The following PLXNA4 variants were observed in gnomAD, a reference collection of about 807,000 sequenced individuals.
The protein encoded by PLXNA4 is plexin-A4.
PLXNA4 carries 44 observed loss-of-function variants against 191.8 expected under a neutral mutation model. That is an observed-to-expected ratio of 0.23 (90% confidence interval 0.18 to 0.29). PLXNA4 has a LOEUF of 0.29. Ranked by LOEUF, PLXNA4 falls within the 10% of genes least tolerant of loss-of-function variation. The pLI, the probability that PLXNA4 is intolerant of heterozygous loss-of-function variation, is 1.00. For missense variants in PLXNA4, 1,800 were observed against 2,488.8 expected, an observed-to-expected ratio of 0.72 and a Z score of 5.89; for synonymous variants, 1,082 against 1,009.5, an observed-to-expected ratio of 1.07 and a Z score of -1.36.
intron 21 of PLXNA4, among the ~76,000 whole-genome samples, chr7:132,174,217 G>C (rs757301311): frequency 1.3e-5 from 2 of 152,130 alleles, no homozygotes; most frequent in Non-Finnish European, 2.9e-5. Flanking sequence ...AATATGAATA[G>C]ACACCTAAGC....
In PLXNA4 at chr7:132,461,423, C is replaced by T. The variant is rs75044589; in HGVS notation, c.1371+27869G>A. Among the ~76,000 whole-genome samples, 14 of 152,212 alleles carry T rather than the reference C, an allele frequency of 9.2e-5. No individual in the cohort carries two copies. The East Asian group carries it at 2.7e-3, about 29-fold the overall frequency. On this transcript the variant is annotated intron_variant, in intron 3 of 31. Coordinates refer to ENST00000321063, the MANE Select transcript of PLXNA4 (RefSeq NM_020911.2). ...GAGGAAAACAAAATAAGATCTGGAC[C>T]ACAAAACCAGACACCCCAGTATGTA...
At chr7:132,210,520 TAGGTGTGA>T (rs1797762597) in intron 10 of PLXNA4, among the ~76,000 whole-genome samples, 1 of 152,156 alleles carries the variant, frequency 6.6e-6, no homozygotes, top group Admixed American at 6.5e-5. Context: ...AGCCTCTATG[TAGGTGTGA>T]AGGTGGTGGG....
At chr7:132,517,255 A>C (rs969473718) in intron 1 of PLXNA4, among the ~76,000 whole-genome samples, 1 of 152,212 alleles carries the variant, frequency 6.6e-6, no homozygotes, top group African/African-American at 2.4e-5. Flanking sequence ...CAGCCTCTCC[A>C]TTTCCACATG....
chr7:132,599,143 C>T (rs1182090183), intron 2 of PLXNA4, among the ~76,000 whole-genome samples: 1 of 152,154 alleles, frequency 6.6e-6, no homozygotes, highest in African/African-American at 2.4e-5. Context: ...TTTGCTACCA[C>T]GTGTTTCTAA....
At chr7:132,511,460 C>A (rs969460905) in intron 1 of PLXNA4, among the ~76,000 whole-genome samples, 10 of 152,168 alleles carry the variant, frequency 6.6e-5, no homozygotes, top group Admixed American at 3.9e-4. Flanking sequence ...CTCATGTAAG[C>A]CCCAAACAGA....
intron 3 of PLXNA4, among the ~76,000 whole-genome samples, chr7:132,441,241 A>C (rs1388944366): frequency 6.6e-6 from 1 of 152,216 alleles, no homozygotes; most frequent in Non-Finnish European, 1.5e-5. Flanking sequence ...GCATTGCAAC[A>C]AAAGGTAAAT....
At chr7:132,565,944 A>G (rs546340234) in intron 1 of PLXNA4, among the ~76,000 whole-genome samples, 1 of 152,294 alleles carries the variant, frequency 6.6e-6, no homozygotes, top group South Asian at 2.1e-4. Context: ...TCATCATAGC[A>G]AGATATTTTT....
chr7:132,334,361 G>A (rs561102455), intron 3 of PLXNA4, among the ~76,000 whole-genome samples: 2 of 143,992 alleles, frequency 1.4e-5, no homozygotes, highest in East Asian at 2.2e-4. Flanking sequence ...AGGCTCAGAT[G>A]ATCCTCCTGC....
At chr7:132,490,414 C>G (rs540445257) in intron 2 of PLXNA4, among the ~76,000 whole-genome samples, 10 of 132,562 alleles carry the variant, frequency 7.5e-5, no homozygotes, top group Admixed American at 7.4e-4. Context: ...TTCACTGAAC[C>G]TTTTCTTCCT....
intron 3 of PLXNA4, among the ~76,000 whole-genome samples, chr7:132,445,196 T>C (rs1302647095): frequency 1.4e-5 from 2 of 146,168 alleles, no homozygotes; most frequent in African/African-American, 5.0e-5. Flanking sequence ...TTTGTTCTCA[T>C]GAACTTCCTG....
chr7:132,384,720 A>T, intron 3 of PLXNA4: 1 of 1,037,388 alleles, frequency 9.6e-7, no homozygotes, highest in Non-Finnish European at 1.2e-6. Flanking sequence ...GTGTATGCAC[A>T]CACACCTTTA....
intron 2 of PLXNA4, among the ~76,000 whole-genome samples, chr7:132,592,781 A>C (rs1223392849): frequency 2.0e-5 from 3 of 152,092 alleles, no homozygotes; most frequent in East Asian, 3.9e-4. Context: ...GGGCTGCCAC[A>C]GAAAGATAAA....
chr7:132,151,117 A>T (rs1286464973), intron 25 of PLXNA4, among the ~76,000 whole-genome samples: 1 of 152,186 alleles, frequency 6.6e-6, no homozygotes, highest in Non-Finnish European at 1.5e-5. Context: ...TTATTTTGTT[A>T]TGTCCTAGAC....
intron 30 of PLXNA4, among the ~76,000 whole-genome samples, chr7:132,136,200 C>T (rs1273986813): frequency 2.0e-5 from 3 of 152,226 alleles, no homozygotes; most frequent in Admixed American, 6.5e-5. Context: ...TTCCTTCTCG[C>T]TCCTGTTGTG....
intron 30 of PLXNA4, 81 bp from the exon 31 acceptor site, chr7:132,133,280 TG>T: frequency 6.4e-7 from 1 of 1,555,390 alleles, no homozygotes. Flanking sequence ...GCACCGTGTC[TG>T]GGGCCATGAG....
intron 3 of PLXNA4, among the ~76,000 whole-genome samples, chr7:132,428,905 C>A (rs1054095505): frequency 6.6e-6 from 1 of 152,082 alleles, no homozygotes; most frequent in Non-Finnish European, 1.5e-5. Flanking sequence ...AAACAGGGAC[C>A]AATGTGAGGA....
At chr7:132,559,193 C>A (rs141844459) in intron 1 of PLXNA4, among the ~76,000 whole-genome samples, 11 of 151,998 alleles carry the variant, frequency 7.2e-5, no homozygotes, top group African/African-American at 2.2e-4. Flanking sequence ...TATTACATGC[C>A]GAGAACAGTT....
In PLXNA4 at chr7:132,576,208, G is replaced by C. The variant is rs1303393527; in HGVS notation, c.-87+214C>G. 1.3e-5 allele frequency among the ~76,000 whole-genome samples: 2 copies of C among 152,228 alleles called. No individual in the cohort carries two copies. Among genetic ancestry groups the C allele is most frequent in the East Asian group, 1.9e-4 (1 of 5,184 alleles). ...CACCCGGGAAATCCCTGCTCCGGCC[G>C]CTGCACCTCCGCGGGCGTCCAGGTG... On this transcript the variant is annotated intron_variant, in intron 1 of 31. Coordinates refer to ENST00000321063, the MANE Select transcript of PLXNA4 (RefSeq NM_020911.2). This position sits in a 1 kb window ranked among gnomAD's most constrained non-coding sequence, Gnocchi z 5.8.
chr7:132,558,380 T>C (rs2116620039), intron 1 of PLXNA4, among the ~76,000 whole-genome samples: 1 of 152,308 alleles, frequency 6.6e-6, no homozygotes, highest in South Asian at 2.1e-4. Context: ...TTTAGAACAT[T>C]CCAAAAATGA....
Sources: gnomAD v4.1 joint callset for allele counts (sites outside exome capture counted in the v4.1 genomes callset) on GRCh38, gnomAD v4.1.1 for gene constraint, Gnocchi (gnomAD v3.1) non-coding constraint, MANE v1.5 for transcripts, NCBI Gene and HGNC (gene_info 2026-07-23, HGNC 2026-07-21) for gene names.